The following ITGAM variants were observed in gnomAD, a reference collection of about 807,000 sequenced individuals.
ITGAM encodes integrin subunit alpha M.
In ITGAM, 79 loss-of-function variants were observed where a neutral mutation model predicts 137.5. That is an observed-to-expected ratio of 0.57 (90% CI 0.48 to 0.69). The LOEUF is 0.69. Ranked by LOEUF, ITGAM falls within the 30% of genes least tolerant of loss-of-function variation. The pLI, the probability that ITGAM is intolerant of heterozygous loss-of-function variation, is 0.00. For synonymous variants in ITGAM, 583 were observed against 592.3 expected (o/e 0.98, Z 0.23); for missense variants, 1,343 against 1,483.5 (o/e 0.91, Z 1.56).
intron 8 of ITGAM, among the ~76,000 whole-genome samples, chr16:31,275,237 G>C (rs761854998): frequency 1.1e-4 from 17 of 152,096 alleles, no homozygotes; most frequent in Non-Finnish European, 2.4e-4. Context: ...TACATGCCTT[G>C]GCACGTAGGA....
chr16:31,328,696 ATG>A (rs998591912), intron 23 of ITGAM, among the ~76,000 whole-genome samples: 4 of 142,548 alleles, frequency 2.8e-5, no homozygotes, highest in Non-Finnish European at 4.5e-5. Context: ...GTATTTGTGC[ATG>A]TGTGTGTATG....
At chr16:31,277,624 C>T (rs560001859) in intron 11 of ITGAM, among the ~76,000 whole-genome samples, 3 of 152,046 alleles carry the variant, frequency 2.0e-5, no homozygotes, top group Non-Finnish European at 4.4e-5. Flanking sequence ...TCCCAAAGTG[C>T]TGGAATTACA....
chr16:31,327,303 G>A (rs1157924117), intron 22 of ITGAM, among the ~76,000 whole-genome samples: 1 of 152,010 alleles, frequency 6.6e-6, no homozygotes, highest in Non-Finnish European at 1.5e-5. Context: ...AATATATTTA[G>A]GAGCTGGGCG....
In ITGAM at chr16:31,275,615, C is replaced by T. The variant is rs774088263; in HGVS notation, c.925C>T (p.Arg309Cys). 35 of 1,613,806 alleles carry T rather than the reference C, an allele frequency of 2.2e-5. No homozygotes were observed. The highest frequency in any genetic ancestry group is 2.7e-5 in the African/African-American group (2 of 74,930). ...TAATACCATCGCATCCAAGCCGCCT[C>T]GTGATCACGTGTTCCAGGTGAATAA... ...ELNTIASKPP[R>C]DHVFQVNNFE... The change falls in exon 9 of 30, where the codon CGT (arginine) becomes TGT (cysteine). Residue 309 changes from arginine (R) to cysteine (C), a missense_variant. Coordinates refer to ENST00000544665, the MANE Select transcript of ITGAM (RefSeq NM_000632.4).
rs766609008 is a variant in ITGAM, at chr16:31,329,297, A to G, written c.2862A>G (p.Gln954=). 4.0e-5 allele frequency: 64 copies of G among 1,609,982 alleles called. No homozygotes were observed. Among genetic ancestry groups the G allele is most frequent in the Non-Finnish European group, 5.1e-5 (60 of 1,176,654 alleles). The change falls in exon 24 of 30, where the codon CAA becomes CAG. Residue 954 remains glutamine (Q), a synonymous_variant. Coordinates refer to ENST00000544665, the MANE Select transcript of ITGAM (RefSeq NM_000632.4). ...ATACCAGTCGGGTCATGCAGCATCA[A>G]TATCAGGTGGGCAGCTGGGACGTCT... ...SENTSRVMQH[Q]YQVSNLGQRS...
intron 12 of ITGAM, among the ~76,000 whole-genome samples, chr16:31,279,564 T>G (rs1012632745): frequency 1.3e-5 from 2 of 152,208 alleles, no homozygotes; most frequent in African/African-American, 4.8e-5. Flanking sequence ...TCATATCCCT[T>G]GCCCAGTTTT....
In ITGAM at chr16:31,265,837, C is replaced by T. The variant is rs1422136356; in HGVS notation, c.265C>T (p.Leu89=). Residue 89 remains leucine, a synonymous_variant, in exon 4 of 30, where the codon CTG becomes TTG. Coordinates refer to ENST00000544665, the MANE Select transcript of ITGAM (RefSeq NM_000632.4). ...CCCCGTGGAGGCCGTGAACATGTCC[C>T]TGGGCCTGTCCCTGGCAGCCACCAC... ...QVPVEAVNMS[L]GLSLAATTSP... is the part of the protein sequence containing the mutation. 1 of 1,614,018 alleles carries T rather than the reference C, an allele frequency of 6.2e-7. No individual in the cohort carries two copies. The highest frequency in any genetic ancestry group is 1.3e-5 in the African/African-American group (1 of 75,020).
chr16:31,265,513 C>T lies in ITGAM; in HGVS notation c.238+15C>T, dbSNP rs535781092. On this transcript the variant is annotated intron_variant, in intron 3 of 29. Coordinates refer to ENST00000544665, the MANE Select transcript of ITGAM (RefSeq NM_000632.4). ...CCGCCTGCAGGGTGAGTCACTGCCC[C>T]GCCGGGCTGGGACTGGGATTCCCCT... 45 of 1,531,864 alleles carry T rather than the reference C, an allele frequency of 2.9e-5. No homozygotes were observed. The highest frequency in any genetic ancestry group is 1.7e-4 in the Middle Eastern group (1 of 5,870). The allele number at this position is 1,531,864 out of a possible 1,614,324, so 94.9% of individuals were successfully genotyped here.
chr16:31,327,114 T>A lies in ITGAM; in HGVS notation c.2708+179T>A, dbSNP rs1378084520. 7.8e-6 allele frequency: 5 copies of A among 644,918 alleles called. No homozygotes were observed. In the Admixed American group the frequency reaches 1.3e-4, roughly 16 times the overall value. 39.9% of individuals were successfully genotyped at this position (644,918 alleles called of 1,614,324 possible). A position where few individuals can be genotyped will look rare whatever the true frequency, so the allele number is the denominator to read the frequency against. On this transcript the variant is annotated intron_variant, in intron 22 of 29. Coordinates refer to ENST00000544665, the MANE Select transcript of ITGAM (RefSeq NM_000632.4). Reference sequence around the variant, plus strand: ...CTTGTGCTGAGTGCTGGTGGGATGGTGGTGGATCAGACGATAGTGGTTCCT... The same window carrying A: ...CTTGTGCTGAGTGCTGGTGGGATGGAGGTGGATCAGACGATAGTGGTTCCT...
At position 31,329,309 on chromosome 16, in the gene ITGAM, C is replaced by T. The variant is rs2080550623; in HGVS notation, c.2868+6C>T. On this transcript the variant is annotated splice_donor_region_variant and intron_variant, in intron 24 of 29. Transcript: ENST00000544665. ...TCATGCAGCATCAATATCAGGTGGG[C>T]AGCTGGGACGTCTGGGTCCTGAGAA... 3.1e-6 allele frequency: 5 copies of T among 1,599,930 alleles called. No homozygotes were observed. The highest frequency in any genetic ancestry group is 4.3e-6 in the Non-Finnish European group (5 of 1,167,628).
intron 14 of ITGAM, among the ~76,000 whole-genome samples, chr16:31,314,609 A>C (rs1298383119): frequency 6.6e-6 from 1 of 152,018 alleles, no homozygotes; most frequent in Non-Finnish European, 1.5e-5. Context: ...TGGTATCAGT[A>C]CCATGCTGTT....
intron 22 of ITGAM, chr16:31,327,909 T>G: frequency 2.2e-5 from 11 of 510,258 alleles, no homozygotes; most frequent in Non-Finnish European, 2.9e-5. Flanking sequence ...GGGCTGGCGA[T>G]TGGGGTGGGA....
intron 1 of ITGAM, among the ~76,000 whole-genome samples, chr16:31,261,077 T>C (rs1567243231): frequency 6.6e-6 from 1 of 152,076 alleles, no homozygotes; most frequent in Non-Finnish European, 1.5e-5. Flanking sequence ...ACAGAATAAG[T>C]GTGCTAATCC....
chr16:31,274,099 C>T (rs1257571527), intron 8 of ITGAM, among the ~76,000 whole-genome samples: 3 of 152,226 alleles, frequency 2.0e-5, no homozygotes, highest in Admixed American at 6.5e-5. Flanking sequence ...TCCACAACAT[C>T]TTTCGCTGAT....
chr16:31,260,869 G>A (rs2079691048), intron 1 of ITGAM, among the ~76,000 whole-genome samples: 1 of 152,208 alleles, frequency 6.6e-6, no homozygotes, highest in Admixed American at 6.5e-5. Context: ...ATGATAGGGA[G>A]CACCACCCCC....
chr16:31,331,561 G>A, intron 29 of ITGAM, 75 bp from the exon 30 acceptor site: 1 of 251,642 alleles, frequency 4.0e-6, no homozygotes, highest in Non-Finnish European at 7.2e-6. Flanking sequence ...CGGCCCTCCC[G>A]CCCCCTCCCC....
intron 12 of ITGAM, among the ~76,000 whole-genome samples, chr16:31,291,408 C>T (rs917118262): frequency 6.6e-6 from 1 of 152,110 alleles, no homozygotes; most frequent in Non-Finnish European, 1.5e-5. Context: ...TCTTGAGGAG[C>T]CTCCATATTG....
At chr16:31,275,317 G>A (rs2079894546) in intron 8 of ITGAM, among the ~76,000 whole-genome samples, 1 of 152,204 alleles carries the variant, frequency 6.6e-6, no homozygotes, top group South Asian at 2.1e-4. Flanking sequence ...AGGAGACGTG[G>A]CACAGCAGAT....
At chr16:31,272,112 T>G in intron 7 of ITGAM, 120 bp downstream of exon 7, 3 of 1,187,006 alleles carry the variant, frequency 2.5e-6, no homozygotes, top group Non-Finnish European at 3.7e-6. Flanking sequence ...CCGGCAGAGG[T>G]GGGGAGGCTG....
Sources: allele counts gnomAD v4.1 joint callset (sites outside exome capture counted in the v4.1 genomes callset), GRCh38; gene constraint gnomAD v4.1.1; transcripts MANE v1.5; gene names NCBI Gene and HGNC (gene_info 2026-07-23, HGNC 2026-07-21).